NAALADL2: variants seen among roughly 807,000 people sequenced by gnomAD.
NAALADL2 encodes N-acetylated alpha-linked acidic dipeptidase like 2, also known as inactive N-acetylated-alpha-linked acidic dipeptidase-like protein 2.
In NAALADL2, 76 loss-of-function variants were observed where a neutral mutation model predicts 87.2. The observed-to-expected ratio is 0.87, with a 90% CI of 0.72 to 1.05. The LOEUF (loss-of-function observed/expected upper bound fraction) is 1.05, where lower values mean the gene tolerates loss of function less well. NAALADL2 is among the 50% of genes least tolerant of loss of function. The probability of loss-of-function intolerance (pLI) is 0.00; values close to 1 mark genes in which losing one functional copy is unlikely to be tolerated. For missense variants in NAALADL2, 1,089 were observed against 945.8 expected, an observed-to-expected ratio of 1.15 and a Z score of -1.99; for synonymous variants, 354 against 331.0, an observed-to-expected ratio of 1.07 and a Z score of -0.75.
chr3:175,252,211 T>G (rs1211190729), intron 3 of NAALADL2, among the ~76,000 whole-genome samples: 1 of 152,232 alleles, frequency 6.6e-6, no homozygotes, highest in African/African-American at 2.4e-5. Flanking sequence ...ACGGCAACCC[T>G]GCATTTAGCA....
chr3:174,869,959 G>T (rs563322163), intron 1 of NAALADL2, among the ~76,000 whole-genome samples: 2 of 133,510 alleles, frequency 1.5e-5, no homozygotes, highest in African/African-American at 5.9e-5. Flanking sequence ...TCACGCCATT[G>T]CACCCCATCC....
intron 2 of NAALADL2, among the ~76,000 whole-genome samples, chr3:174,683,295 T>G (rs548434722): frequency 1.3e-5 from 2 of 152,014 alleles, no homozygotes; most frequent in Non-Finnish European, 2.9e-5. Context: ...ATCTAAGAAT[T>G]ATTGACCTTA....
intron 3 of NAALADL2, among the ~76,000 whole-genome samples, chr3:174,783,467 T>C (rs1451119122): frequency 6.6e-6 from 1 of 152,148 alleles, no homozygotes; most frequent in Non-Finnish European, 1.5e-5. Context: ...CTAGCCACGT[T>C]TGACCCTTTG....
intron 1 of NAALADL2, among the ~76,000 whole-genome samples, chr3:174,874,870 C>T (rs1248743058): frequency 6.6e-6 from 1 of 151,890 alleles, no homozygotes; most frequent in Non-Finnish European, 1.5e-5. Flanking sequence ...AATCCTAGCA[C>T]TTTGGGAGGG....
chr3:175,336,309 C>T (rs1761962975), intron 5 of NAALADL2, among the ~76,000 whole-genome samples: 2 of 152,214 alleles, frequency 1.3e-5, no homozygotes, highest in East Asian at 1.9e-4. Context: ...TCTCTAAAAG[C>T]ACTACAGTCT....
At chr3:175,166,630 T>C (rs1734046412) in intron 2 of NAALADL2, among the ~76,000 whole-genome samples, 1 of 151,992 alleles carries the variant, frequency 6.6e-6, no homozygotes, top group African/African-American at 2.4e-5. Context: ...TCCTCTCCTT[T>C]ACTACTGGAA....
intron 9 of NAALADL2, among the ~76,000 whole-genome samples, chr3:175,531,826 C>T (rs1408649235): frequency 6.6e-6 from 1 of 152,208 alleles, no homozygotes; most frequent in Non-Finnish European, 1.5e-5. Flanking sequence ...TGTCATTCTC[C>T]AAGATCCATC....
At chr3:175,410,526 A>C (rs1286270060) in intron 5 of NAALADL2, among the ~76,000 whole-genome samples, 3 of 152,132 alleles carry the variant, frequency 2.0e-5, no homozygotes, top group Non-Finnish European at 2.9e-5. Flanking sequence ...CATGCCAGGC[A>C]TTCTGTTAAA....
intron 1 of NAALADL2, among the ~76,000 whole-genome samples, chr3:174,482,378 C>T (rs73881173): frequency 0.013 from 2,021 of 152,012 alleles, 40 homozygotes; most frequent in African/African-American, 0.047. Context: ...AGAAGAGTTT[C>T]CTAATCAGAG....
chr3:174,852,293 T>C (rs1169063790), intron 3 of NAALADL2, among the ~76,000 whole-genome samples: 1 of 152,092 alleles, frequency 6.6e-6, no homozygotes, highest in Non-Finnish European at 1.5e-5. Context: ...TCCTTGCAGA[T>C]GTTATAGCCT....
intron 1 of NAALADL2, among the ~76,000 whole-genome samples, chr3:174,862,728 T>G (rs1416921572): frequency 1.3e-5 from 2 of 152,170 alleles, no homozygotes; most frequent in Non-Finnish European, 2.9e-5. Flanking sequence ...AGTTTAATGC[T>G]GGGACAATCT....
chr3:174,930,337 T>G (rs1736680616), intron 1 of NAALADL2, among the ~76,000 whole-genome samples: 1 of 152,068 alleles, frequency 6.6e-6, no homozygotes, highest in Admixed American at 6.6e-5. Flanking sequence ...TTAGTTTAGC[T>G]TTACTTGCGC....
intron 11 of NAALADL2, among the ~76,000 whole-genome samples, chr3:175,646,003 A>G (rs1307713618): frequency 6.6e-6 from 1 of 152,124 alleles, no homozygotes; most frequent in East Asian, 1.9e-4. Context: ...ACATGTGAAG[A>G]TAATCCAGTA....
At chr3:175,742,114 A>G (rs1285157557) in intron 12 of NAALADL2, among the ~76,000 whole-genome samples, 1 of 152,192 alleles carries the variant, frequency 6.6e-6, no homozygotes, top group African/African-American at 2.4e-5. Context: ...TGGCAAGGGA[A>G]GCCATCAGAT....
intron 12 of NAALADL2, among the ~76,000 whole-genome samples, chr3:175,745,128 A>G (rs1047895394): frequency 6.6e-6 from 1 of 152,176 alleles, no homozygotes; most frequent in Non-Finnish European, 1.5e-5. Context: ...GTAGCAGCAG[A>G]CCATTCTCAA....
chr3:174,890,169 T>G (rs1281598924), intron 1 of NAALADL2, among the ~76,000 whole-genome samples: 1 of 144,420 alleles, frequency 6.9e-6, no homozygotes, highest in Non-Finnish European at 1.5e-5. Flanking sequence ...AAATAGATTA[T>G]GTATAGTAAT....
At chr3:175,687,754 C>T (rs1736500465) in intron 11 of NAALADL2, among the ~76,000 whole-genome samples, 1 of 152,030 alleles carries the variant, frequency 6.6e-6, no homozygotes, top group Non-Finnish European at 1.5e-5. Flanking sequence ...CGGCTTGGTG[C>T]CGTCCTTGTG....
chr3:175,614,025 C>T (rs1312802689), intron 10 of NAALADL2, among the ~76,000 whole-genome samples: 21 of 152,068 alleles, frequency 1.4e-4, no homozygotes, highest in Admixed American at 1.4e-3. Context: ...CAATATACTG[C>T]TCTCACAAAG....
In NAALADL2 at chr3:174,852,548, T is replaced by A. The variant is rs192392532; in HGVS notation, c.-9+114802T>A. On this transcript the variant is annotated intron_variant, in intron 3 of 3. Transcript: ENST00000434257. Reference sequence around the variant, plus strand: ...TCTATAAAAAACTATAAAACATTGATGAAAGAAATTGAAGAGGACACAAAA... The same window carrying A: ...TCTATAAAAAACTATAAAACATTGAAGAAAGAAATTGAAGAGGACACAAAA... Among the ~76,000 whole-genome samples the A allele has an allele frequency of 1.8e-4, 28 of 152,094 alleles. 1 individual carries two copies. The East Asian group carries it at 5.2e-3, about 28-fold the overall frequency.
Sources: allele counts gnomAD v4.1 joint callset (sites outside exome capture counted in the v4.1 genomes callset), GRCh38; gene constraint gnomAD v4.1.1; transcripts MANE v1.5; gene names NCBI Gene and HGNC (gene_info 2026-07-23, HGNC 2026-07-21).